Variants in PDS5A observed in about 807,000 individuals in gnomAD.
The protein encoded by PDS5A is sister chromatid cohesion protein PDS5 homolog A.
In PDS5A, 42 loss-of-function variants were observed where a neutral mutation model predicts 167.1. The observed-to-expected ratio is 0.25, with a 90% CI of 0.20 to 0.33. The LOEUF (loss-of-function observed/expected upper bound fraction) is 0.33. Among genes scored for constraint, PDS5A ranks in the 10% least tolerant of loss-of-function variants. PDS5A has a pLI of 1.00. For missense variants in PDS5A, 1,033 were observed against 1,605.9 expected (o/e 0.64, Z 6.10); for synonymous variants, 553 against 554.6 (o/e 1.00, Z 0.04).
chr4:39,963,559 C>T (rs746641659), intron 2 of PDS5A, among the ~76,000 whole-genome samples: 6 of 151,688 alleles, frequency 4.0e-5, no homozygotes, highest in African/African-American at 1.5e-4. Flanking sequence ...TGGAAATAAA[C>T]GGTTGACTGG....
At chr4:39,845,786 C>T in intron 29 of PDS5A, 32 bp downstream of exon 29, 1 of 1,370,100 alleles carries the variant, frequency 7.3e-7, no homozygotes, top group Non-Finnish European at 9.5e-7. Context: ...ACACATGAAA[C>T]AAAGATCTCA....
chr4:39,878,745 AT>A (rs550609820), intron 18 of PDS5A, among the ~76,000 whole-genome samples: 149 of 151,612 alleles, frequency 9.8e-4, no homozygotes, highest in African/African-American at 3.5e-3. Flanking sequence ...TAATGAAATG[AT>A]TTTTTTTTCT....
intron 32 of PDS5A, among the ~76,000 whole-genome samples, chr4:39,836,064 C>A (rs191931567): frequency 6.6e-6 from 1 of 152,278 alleles, no homozygotes; most frequent in Admixed American, 6.5e-5. Flanking sequence ...ACAATAGTAA[C>A]AATAACAGTT....
Position 39,941,477 on chromosome 4 carries a change from C to T in PDS5A, c.139-13313G>A, listed in dbSNP as rs550168170. ...TGAACAACCTATTTGCCAATACGTGCTTCTTTGCAGCTTCCTTTCCTATTT... is the reference window on the plus strand; with the variant it reads ...TGAACAACCTATTTGCCAATACGTGTTTCTTTGCAGCTTCCTTTCCTATTT... On this transcript the variant is annotated intron_variant, in intron 2 of 32. Transcript: ENST00000303538. Among the ~76,000 whole-genome samples, 5 of 152,338 alleles carry T rather than the reference C, an allele frequency of 3.3e-5. No individual in the cohort carries two copies. The South Asian group carries it at 1.0e-3, about 32-fold the overall frequency.
At chr4:39,897,938 T>C in intron 16 of PDS5A, 1 of 610,252 alleles carries the variant, frequency 1.6e-6, no homozygotes, top group Non-Finnish European at 2.1e-6. Flanking sequence ...ATATTGGTTT[T>C]AAATGAGTTC....
intron 16 of PDS5A, among the ~76,000 whole-genome samples, chr4:39,891,567 G>A (rs1721966189): frequency 6.6e-6 from 1 of 151,830 alleles, no homozygotes; most frequent in Non-Finnish European, 1.5e-5. Context: ...AGAATTGCTT[G>A]AACCTGGGAG....
chr4:39,918,791 T>G (rs1724650869), intron 7 of PDS5A, among the ~76,000 whole-genome samples: 1 of 152,206 alleles, frequency 6.6e-6, no homozygotes, highest in South Asian at 2.1e-4. Flanking sequence ...AGGCGGAGGT[T>G]GCAGTGAGCT....
chr4:39,907,672 C>T (rs968518001), intron 11 of PDS5A, among the ~76,000 whole-genome samples: 3 of 151,826 alleles, frequency 2.0e-5, no homozygotes, highest in South Asian at 2.1e-4. Flanking sequence ...CTGCAAGCTC[C>T]GCCTCCCGGG....
At chr4:39,859,538 A>G (rs1317697052) in intron 26 of PDS5A, among the ~76,000 whole-genome samples, 1 of 152,246 alleles carries the variant, frequency 6.6e-6, no homozygotes, top group Non-Finnish European at 1.5e-5. Context: ...GCAAGATAGT[A>G]GAACATCTAG....
At chr4:39,871,664 A>G (rs1327534505) in intron 21 of PDS5A, among the ~76,000 whole-genome samples, 2 of 152,174 alleles carry the variant, frequency 1.3e-5, no homozygotes, top group African/African-American at 4.8e-5. Context: ...ATAACAACAG[A>G]TTTAATTTAG....
chr4:39,896,461 C>T (rs1305406019), intron 16 of PDS5A, among the ~76,000 whole-genome samples: 2 of 150,528 alleles, frequency 1.3e-5, no homozygotes, highest in East Asian at 3.9e-4. Flanking sequence ...ATTCTACTAG[C>T]TTCTTCCTAT....
At chr4:39,971,312 G>A (rs1318054416) in intron 2 of PDS5A, among the ~76,000 whole-genome samples, 5 of 151,830 alleles carry the variant, frequency 3.3e-5, no homozygotes, top group African/African-American at 2.4e-5. Flanking sequence ...CCGCCACCAC[G>A]CCTGGATAAT....
At chr4:39,843,756 CTT>C (rs33927741) in intron 30 of PDS5A, among the ~76,000 whole-genome samples, 49,252 of 151,928 alleles carry the variant, frequency 0.32, 8,706 homozygotes, top group Middle Eastern at 0.45. Flanking sequence ...ATTATTAACT[CTT>C]ATATTATTTT....
At chr4:39,909,207 C>T (rs1326610448) in intron 10 of PDS5A, among the ~76,000 whole-genome samples, 1 of 151,618 alleles carries the variant, frequency 6.6e-6, no homozygotes, top group Non-Finnish European at 1.5e-5. Context: ...TGCACTGCAA[C>T]CTCCGCCGCC....
intron 32 of PDS5A, among the ~76,000 whole-genome samples, chr4:39,828,158 A>AT (rs1715485114): frequency 6.6e-6 from 1 of 152,220 alleles, no homozygotes; most frequent in Non-Finnish European, 1.5e-5. Context: ...TGCAAAAGGA[A>AT]TAACAAGTCT....
chr4:39,851,526 A>G (rs746889080), intron 26 of PDS5A, among the ~76,000 whole-genome samples: 15 of 152,144 alleles, frequency 9.9e-5, no homozygotes, highest in Non-Finnish European at 1.8e-4. Context: ...AGGCTCAAGC[A>G]ATCTACCTGC....
intron 32 of PDS5A, among the ~76,000 whole-genome samples, chr4:39,827,174 A>G (rs1460649894): frequency 6.6e-6 from 1 of 151,864 alleles, no homozygotes; most frequent in Non-Finnish European, 1.5e-5. Context: ...TAATTTTTGT[A>G]TTTTTAGTAG....
intron 2 of PDS5A, among the ~76,000 whole-genome samples, chr4:39,940,589 T>A (rs551826009): frequency 6.6e-6 from 1 of 152,354 alleles, no homozygotes; most frequent in Middle Eastern, 3.4e-3. Flanking sequence ...GAAATGTGAA[T>A]TCCTTCACAT....
chr4:39,833,383 T>C (rs1406383392), intron 32 of PDS5A, among the ~76,000 whole-genome samples: 1 of 151,856 alleles, frequency 6.6e-6, no homozygotes, highest in African/African-American at 2.4e-5. Flanking sequence ...TAGCTTAAAA[T>C]TGGTATTTTG....
Sources: allele counts gnomAD v4.1 joint callset (sites outside exome capture counted in the v4.1 genomes callset), GRCh38; gene constraint gnomAD v4.1.1; transcripts MANE v1.5; gene names NCBI Gene and HGNC (gene_info 2026-07-23, HGNC 2026-07-21).